The following ITGAX variants were observed in gnomAD, a reference collection of about 807,000 sequenced individuals.
ITGAX encodes integrin subunit alpha X.
A neutral mutation model predicts 140.2 loss-of-function variants in ITGAX; 99 were observed. The observed-to-expected ratio is 0.71, with a 90% CI of 0.60 to 0.83. The LOEUF (loss-of-function observed/expected upper bound fraction) is 0.83, where lower values mean the gene tolerates loss of function less well. Ranked by LOEUF, ITGAX falls within the 40% of genes least tolerant of loss-of-function variation. The pLI, the probability that ITGAX is intolerant of heterozygous loss-of-function variation, is 0.00. For missense variants in ITGAX, 1,444 were observed against 1,482.0 expected (o/e 0.97, Z 0.42); for synonymous variants, 631 against 600.4 (o/e 1.05, Z -0.75).
rs746869800 is a variant in ITGAX, at chr16:31,372,328, A to C, written c.2161-50A>C. 5.5e-5 allele frequency: 87 copies of C among 1,569,772 alleles called. 1 individual carries two copies. In the Admixed American group the frequency reaches 1.0e-3, roughly 19 times the overall value. On this transcript the variant is annotated intron_variant, in intron 17 of 29. Coordinates refer to ENST00000268296, the MANE Select transcript of ITGAX (RefSeq NM_000887.5). ...AAGAACTGCGGATGAGGCCGAGCGC[A>C]GCTCTTACCCTCCCCTTACCCTCCG...
At position 31,363,206 on chromosome 16, in the gene ITGAX, G is replaced by A; in HGVS notation, c.1542G>A (p.Gln514=). ...GTGATGCTGTTCTCTACGGGGAGCA[G>A]GGCCACCCCTGGGGTCGCTTTGGGG... is the stretch of plus-strand genomic sequence containing the variant. ...WWCDAVLYGE[Q]GHPWGRFGAA... Residue 514 remains glutamine, a synonymous_variant, in exon 14 of 30, where the codon CAG becomes CAA. Transcript: ENST00000268296. 1 of 1,612,896 alleles carries A rather than the reference G, an allele frequency of 6.2e-7. No individual in the cohort carries two copies. Among genetic ancestry groups the A allele is most frequent in the South Asian group, 1.1e-5 (1 of 91,044 alleles).
At chr16:31,375,276 A>G (rs1441098791) in intron 20 of ITGAX, among the ~76,000 whole-genome samples, 1 of 152,248 alleles carries the variant, frequency 6.6e-6, no homozygotes, top group East Asian at 1.9e-4. Context: ...TCGGCCTCCC[A>G]AAGTACTAGG....
intron 8 of ITGAX, 109 bp from the exon 9 acceptor site, chr16:31,360,954 C>A: frequency 9.4e-7 from 1 of 1,059,064 alleles, no homozygotes; most frequent in Non-Finnish European, 1.4e-6. Context: ...CCTGTGTCCA[C>A]CGGGTGTGAT....
chr16:31,360,786 G>T, intron 8 of ITGAX: 1 of 517,672 alleles, frequency 1.9e-6, no homozygotes. Context: ...AAAGCACAGG[G>T]ATTACAGGCG....
At chr16:31,372,173 G>C (rs185249281) in intron 17 of ITGAX, among the ~76,000 whole-genome samples, 1 of 151,354 alleles carries the variant, frequency 6.6e-6, no homozygotes, top group Non-Finnish European at 1.5e-5. Flanking sequence ...TCTGGGGGGG[G>C]GGAGGAAAAA....
At chr16:31,356,427 G>A (rs1357370558) in intron 2 of ITGAX, 198 bp from the exon 3 acceptor site, 9 of 549,640 alleles carry the variant, frequency 1.6e-5, no homozygotes, top group Non-Finnish European at 3.0e-5. Flanking sequence ...ACCACACCCA[G>A]ACTCAACAAA....
chr16:31,362,289 C>A, intron 11 of ITGAX, 85 bp downstream of exon 11: 2 of 1,351,880 alleles, frequency 1.5e-6, no homozygotes, highest in Non-Finnish European at 2.0e-6. Context: ...GGTATGGGGG[C>A]TGTGCTGCCC....
chr16:31,359,676 G>C (rs1259300598), intron 5 of ITGAX, 24 bp from the exon 6 acceptor site: 2 of 1,612,072 alleles, frequency 1.2e-6, no homozygotes, highest in African/African-American at 2.7e-5. Flanking sequence ...TCACTTGGAG[G>C]ACCGGTGCCA....
rs756474155 is a variant in ITGAX at position 31,357,282 on chromosome 16, C to A, written c.348C>A (p.Cys116Ter). 6.8e-6 allele frequency: 11 copies of A among 1,607,422 alleles called. No individual in the cohort carries two copies. The highest frequency in any genetic ancestry group is 8.5e-6 in the Non-Finnish European group (10 of 1,177,584). ...GCGGCCCCACCGTGCACCACGAGTGCGGGAGGAACATGTACCTCACCGGAC... is the reference window on the plus strand; with the variant it reads ...GCGGCCCCACCGTGCACCACGAGTGAGGGAGGAACATGTACCTCACCGGAC... ...LACGPTVHHECGRNMYLTGLC... is the reference protein window; with the variant it reads ...LACGPTVHHE Residue 116 changes from cysteine to a stop codon, truncating the protein, a stop_gained, in exon 5 of 30, where the codon TGC (cysteine) becomes TGA (stop). Coordinates refer to ENST00000268296, the MANE Select transcript of ITGAX (RefSeq NM_000887.5). LOFTEE classifies it high-confidence loss of function.
At chr16:31,380,446 CT>C in intron 27 of ITGAX, 67 bp downstream of exon 27, 1 of 1,608,974 alleles carries the variant, frequency 6.2e-7, no homozygotes, top group Non-Finnish European at 8.5e-7. Flanking sequence ...CTGTGCCCAT[CT>C]GCAAGCCAGG....
chr16:31,360,278 A>G, intron 7 of ITGAX, 32 bp from the exon 8 acceptor site: 3 of 1,578,872 alleles, frequency 1.9e-6, no homozygotes, highest in Non-Finnish European at 1.7e-6. Flanking sequence ...GGTTTGGTTC[A>G]CAGGCCTCTA....
chr16:31,366,832 A>G (rs766730436), intron 14 of ITGAX, among the ~76,000 whole-genome samples: 1 of 152,226 alleles, frequency 6.6e-6, no homozygotes, highest in Non-Finnish European at 1.5e-5. Flanking sequence ...CTCTCACTTT[A>G]GATCAAAACC....
chr16:31,379,743 T>G lies in ITGAX; in HGVS notation c.2869-14T>G. The G allele has an allele frequency of 6.2e-7, 1 of 1,609,980 alleles. No homozygotes were observed. Among genetic ancestry groups the G allele is most frequent in the Non-Finnish European group, 8.5e-7 (1 of 1,177,430 alleles). ...GCTTTGGCGTGGGCTCTGCCCTCAGTGCCCTCTGTGCAGGTCAATAACCTG... is the reference window on the plus strand; with the variant it reads ...GCTTTGGCGTGGGCTCTGCCCTCAGGGCCCTCTGTGCAGGTCAATAACCTG... On this transcript the variant is annotated splice_polypyrimidine_tract_variant and intron_variant, in intron 24 of 29. Transcript: ENST00000268296.
At chr16:31,377,378 T>TAC in intron 23 of ITGAX, 113 bp downstream of exon 23, 2 of 836,348 alleles carry the variant, frequency 2.4e-6, no homozygotes, top group Non-Finnish European at 3.7e-6. Flanking sequence ...TGTTTGAAAC[T>TAC]AAAAGGTCAG....
intron 5 of ITGAX, 142 bp downstream of exon 5, chr16:31,357,506 C>A (rs371278987): frequency 1.6e-6 from 1 of 609,742 alleles, no homozygotes; most frequent in Non-Finnish European, 2.9e-6. Flanking sequence ...TGGTTCCTGA[C>A]GCTGCTGCCC....
intron 24 of ITGAX, 37 bp downstream of exon 24, chr16:31,379,683 G>A (rs369762272): frequency 6.4e-7 from 1 of 1,574,302 alleles, no homozygotes; most frequent in African/African-American, 1.4e-5. Flanking sequence ...GGCTGGGGTG[G>A]GAGGCTGGGA....
Position 31,372,375 on chromosome 16 carries a change from C to CA in ITGAX, c.2161-2dup, listed in dbSNP as rs751099449. The CA allele has an allele frequency of 2.5e-6, 4 of 1,599,832 alleles. No individual in the cohort carries two copies. The East Asian group carries it at 8.9e-5, about 36-fold the overall frequency. ...TCCGCTCCCCGCGACGCCCGTCCCC[C>CA]AGAGCTGCGTGGAGGACTCTGTGAC... On this transcript the variant is annotated splice_region_variant and splice_polypyrimidine_tract_variant and intron_variant, in intron 17 of 29. Coordinates refer to ENST00000268296, the MANE Select transcript of ITGAX (RefSeq NM_000887.5).
chr16:31,363,281 G>C lies in ITGAX; in HGVS notation c.1617G>C (p.Val539=). ...TGAATGGGGACAAGCTGACAGACGT[G>C]GTCATCGGGGCCCCAGGAGAGGAGG... is the stretch of plus-strand genomic sequence containing the variant. ...GDVNGDKLTD[V]VIGAPGEEEN... is the part of the protein sequence containing the mutation. The change falls in exon 14 of 30, where the codon GTG becomes GTC. Residue 539 remains valine, a synonymous_variant. Transcript: ENST00000268296. 3 of 1,613,652 alleles carry C rather than the reference G, an allele frequency of 1.9e-6. No individual in the cohort carries two copies. The South Asian group carries it at 3.3e-5, about 18-fold the overall frequency.
In ITGAX at chr16:31,355,902, C is replaced by G. The variant is rs1244568730; in HGVS notation, c.47C>G (p.Thr16Ser). The G allele has an allele frequency of 1.9e-6, 3 of 1,613,298 alleles. No individual in the cohort carries two copies. In the South Asian group the frequency reaches 3.3e-5, roughly 18 times the overall value. Reference protein sequence around the residue: ...AALLLFTALATSLGFNLDTEE... With the variant: ...AALLLFTALASSLGFNLDTEE... ...CCCACCTCTTTCCCAGCCTTAGCAA[C>G]TTCTCTAGGTTTCAACTTGGACACA... Residue 16 changes from threonine (T) to serine (S), a missense_variant, in exon 2 of 30, where the codon ACT (threonine) becomes AGT (serine). Coordinates refer to ENST00000268296, the MANE Select transcript of ITGAX (RefSeq NM_000887.5).
Sources: gnomAD v4.1 joint callset for allele counts (sites outside exome capture counted in the v4.1 genomes callset) on GRCh38, gnomAD v4.1.1 for gene constraint, MANE v1.5 for transcripts, NCBI Gene and HGNC (gene_info 2026-07-23, HGNC 2026-07-21) for gene names.